The following WWOX variants were observed in gnomAD, a reference collection of about 807,000 sequenced individuals.
WWOX encodes WW domain-containing oxidoreductase.
WWOX carries 69 observed loss-of-function variants against 46.2 expected under a neutral mutation model. The ratio of observed to expected loss-of-function variants is 1.49; its 90% CI spans 1.23 to 1.82. The LOEUF (loss-of-function observed/expected upper bound fraction) is 1.82. WWOX is among the 40% of genes most tolerant of loss of function. The probability of loss-of-function intolerance (pLI) is 0.00; values close to 1 mark genes in which losing one functional copy is unlikely to be tolerated. For synonymous variants in WWOX, 359 were observed against 202.6 expected (o/e 1.77, Z -6.56); for missense variants, 919 against 542.6 (o/e 1.69, Z -6.89).
At position 78,580,474 on chromosome 16, in the gene WWOX, A is replaced by C. The variant is rs115375653; in HGVS notation, c.1056+147722A>C. ...TGTTGTGGAGCTGAGTCTTTCATCAAAAACAAGGACTCCTGGCAGATGCCC... is the reference window on the plus strand; with the variant it reads ...TGTTGTGGAGCTGAGTCTTTCATCACAAACAAGGACTCCTGGCAGATGCCC... On this transcript the variant is annotated intron_variant, in intron 8 of 8. Transcript: ENST00000566780. Among the ~76,000 whole-genome samples the C allele has an allele frequency of 4.1e-3, 626 of 152,306 alleles. 7 individuals carry two copies. Among genetic ancestry groups the C allele is most frequent in the African/African-American group, 0.015 (603 of 41,574 alleles).
intron 8 of WWOX, among the ~76,000 whole-genome samples, chr16:78,450,578 T>G (rs1238993898): frequency 6.6e-6 from 1 of 152,210 alleles, no homozygotes; most frequent in African/African-American, 2.4e-5. Flanking sequence ...ATTCTCACTC[T>G]TTAAAAGAAA....
At chr16:78,835,622 G>T (rs1234896935) in intron 8 of WWOX, among the ~76,000 whole-genome samples, 1 of 152,180 alleles carries the variant, frequency 6.6e-6, no homozygotes, top group Non-Finnish European at 1.5e-5. Flanking sequence ...TTATGAATGT[G>T]TTTTATAGAG....
At chr16:78,814,520 A>C (rs945497778) in intron 8 of WWOX, among the ~76,000 whole-genome samples, 1 of 152,174 alleles carries the variant, frequency 6.6e-6, no homozygotes, top group South Asian at 2.1e-4. Flanking sequence ...GGCTTTTCAT[A>C]TATGTACAAA....
intron 8 of WWOX, among the ~76,000 whole-genome samples, chr16:78,545,847 C>T (rs370981055): frequency 4.1e-4 from 63 of 152,162 alleles, no homozygotes; most frequent in African/African-American, 1.4e-3. Flanking sequence ...CCGTCTGTTT[C>T]TTGGTGCACA....
intron 8 of WWOX, among the ~76,000 whole-genome samples, chr16:78,795,866 T>A (rs1326623825): frequency 6.6e-6 from 1 of 152,056 alleles, no homozygotes; most frequent in African/African-American, 2.4e-5. Flanking sequence ...ATAAATGCAA[T>A]AGATGTTGGC....
rs1033122758 is a variant in WWOX, at chr16:78,518,897, C to G, written c.1056+86145C>G. Among the ~76,000 whole-genome samples the G allele has an allele frequency of 4.6e-5, 7 of 152,308 alleles. No individual in the cohort carries two copies. The East Asian group carries it at 1.4e-3, about 29-fold the overall frequency. On this transcript the variant is annotated intron_variant, in intron 8 of 8. Coordinates refer to ENST00000566780, the MANE Select transcript of WWOX (RefSeq NM_016373.4). The stretch of plus-strand genomic sequence containing the variant: ...CGACATCCACATGTGTTCTTTGGTA[C>G]TCACGGGTGTTATGGTTCATAGCTG...
intron 8 of WWOX, among the ~76,000 whole-genome samples, chr16:78,571,909 A>C (rs2044724597): frequency 6.6e-6 from 1 of 152,180 alleles, no homozygotes; most frequent in African/African-American, 2.4e-5. Context: ...AAGTTATTTC[A>C]CACTCACCAG....
intron 5 of WWOX, among the ~76,000 whole-genome samples, chr16:78,252,089 T>C (rs1179763914): frequency 2.0e-5 from 3 of 152,156 alleles, no homozygotes; most frequent in Non-Finnish European, 4.4e-5. Flanking sequence ...TTCATTGACA[T>C]GTCATCAGCT....
chr16:78,969,732 A>T lies in WWOX; in HGVS notation c.1057-241876A>T, dbSNP rs146590634. On this transcript the variant is annotated intron_variant, in intron 8 of 8. Transcript: ENST00000566780. ...GCATGTTGAAAACATTGTACTAATC[A>T]AAAAAGCCAGTCACAAAGGACCCTA... Among the ~76,000 whole-genome samples the T allele has an allele frequency of 6.3e-3, 963 of 152,336 alleles. 19 individuals are homozygous for T. The highest frequency in any genetic ancestry group is 0.022 in the African/African-American group (930 of 41,574).
At chr16:78,235,032 T>C (rs1260916782) in intron 5 of WWOX, among the ~76,000 whole-genome samples, 5 of 151,980 alleles carry the variant, frequency 3.3e-5, no homozygotes, top group African/African-American at 9.7e-5. Context: ...AAAGAAATCC[T>C]TTACTCTCAT....
chr16:78,290,637 G>T (rs990699544), intron 5 of WWOX, among the ~76,000 whole-genome samples: 1 of 151,938 alleles, frequency 6.6e-6, no homozygotes, highest in Non-Finnish European at 1.5e-5. Flanking sequence ...GTAACTTGCC[G>T]TGTCGGACTT....
rs924214503 is a variant in WWOX, at chr16:78,344,935, C to T, written c.517-41925C>T. On this transcript the variant is annotated intron_variant, in intron 5 of 8. Transcript: ENST00000566780. ...TCTTGATCCTATCACTTCCTTGCTG[C>T]GGGAACTCTGGAAAGTCACTTAACC... Among the ~76,000 whole-genome samples, 75 of 120,718 alleles carry T rather than the reference C, an allele frequency of 6.2e-4. 16 individuals carry two copies. Among genetic ancestry groups the T allele is most frequent in the African/African-American group, 1.8e-3 (63 of 35,702 alleles). The allele number at this position is 120,718 out of a possible 152,430, so 79.2% of individuals were successfully genotyped here. A position where few individuals can be genotyped will look rare whatever the true frequency, so the allele number is the denominator to read the frequency against.
rs143326836 is a variant in WWOX, at chr16:79,015,833, C to T, written c.1057-195775C>T. ...GCGGTGTGATCTTGGCTCACTGCAA[C>T]CCCCGCCTCCCGGGTTCATGTGATT... On this transcript the variant is annotated intron_variant, in intron 8 of 8. Coordinates refer to ENST00000566780, the MANE Select transcript of WWOX (RefSeq NM_016373.4). 3.6e-3 allele frequency among the ~76,000 whole-genome samples: 552 copies of T among 152,312 alleles called. 3 individuals carry two copies. Among genetic ancestry groups the T allele is most frequent in the Middle Eastern group, 0.014 (4 of 294 alleles).
chr16:78,419,073 T>C (rs540919150), intron 6 of WWOX, among the ~76,000 whole-genome samples: 2 of 152,226 alleles, frequency 1.3e-5, no homozygotes, highest in African/African-American at 4.8e-5. Flanking sequence ...TTAAAAAATA[T>C]TAAAATGAAC....
At chr16:78,279,807 C>T (rs956708205) in intron 5 of WWOX, among the ~76,000 whole-genome samples, 1 of 152,232 alleles carries the variant, frequency 6.6e-6, no homozygotes, top group African/African-American at 2.4e-5. Flanking sequence ...TCTGCTAACC[C>T]TCCTGCCCAA....
chr16:78,309,666 C>T lies in WWOX; in HGVS notation c.517-77194C>T, dbSNP rs561763461. On this transcript the variant is annotated intron_variant, in intron 5 of 8. Coordinates refer to ENST00000566780, the MANE Select transcript of WWOX (RefSeq NM_016373.4). ...AGGCTTTGTTCACTCTTGTTTGGGT[C>T]GGGAATAAACTTCTTTAAATATTTT... 9.2e-5 allele frequency among the ~76,000 whole-genome samples: 14 copies of T among 152,252 alleles called. 1 individual carries two copies. The South Asian group carries it at 2.5e-3, about 27-fold the overall frequency.
intron 8 of WWOX, among the ~76,000 whole-genome samples, chr16:78,447,447 G>C (rs572044097): frequency 6.6e-6 from 1 of 152,220 alleles, no homozygotes; most frequent in African/African-American, 2.4e-5. Flanking sequence ...GAAGTGCTAA[G>C]TAAACTGTCT....
intron 3 of WWOX, among the ~76,000 whole-genome samples, chr16:78,112,751 G>A (rs908958933): frequency 1.0e-4 from 15 of 148,952 alleles, no homozygotes; most frequent in Non-Finnish European, 1.9e-4. Flanking sequence ...CAGGGCTGAG[G>A]TGCAGTGACA....
intron 8 of WWOX, among the ~76,000 whole-genome samples, chr16:79,106,959 C>T (rs1291498728): frequency 2.0e-5 from 3 of 151,874 alleles, no homozygotes; most frequent in East Asian, 3.9e-4. Context: ...GGGTGCCCCC[C>T]GCAACCATGT....
Sources: gnomAD v4.1 joint callset for allele counts (sites outside exome capture counted in the v4.1 genomes callset) on GRCh38, gnomAD v4.1.1 for gene constraint, MANE v1.5 for transcripts, NCBI Gene and HGNC (gene_info 2026-07-23, HGNC 2026-07-21) for gene names.